The following DOCK1 variants were observed in gnomAD, a reference collection of about 807,000 sequenced individuals.
The protein encoded by DOCK1 is dedicator of cytokinesis protein 1.
A neutral mutation model predicts 262.7 loss-of-function variants in DOCK1; 138 were observed. The observed-to-expected ratio is 0.53, with a 90% CI of 0.46 to 0.61. The LOEUF (loss-of-function observed/expected upper bound fraction) is 0.61. DOCK1 is among the 20% of genes least tolerant of loss of function. The pLI is 0.00. For missense variants in DOCK1, 1,908 were observed against 2,370.7 expected, an observed-to-expected ratio of 0.80 and a Z score of 4.05; for synonymous variants, 866 against 867.4, an observed-to-expected ratio of 1.00 and a Z score of 0.03.
At chr10:127,174,966 T>C (rs2054942435) in intron 27 of DOCK1, among the ~76,000 whole-genome samples, 5 of 152,160 alleles carry the variant, frequency 3.3e-5, no homozygotes, top group African/African-American at 7.2e-5. Flanking sequence ...ATTCTAAGCA[T>C]AGGTATGGTT....
chr10:127,257,493 G>C lies in DOCK1; in HGVS notation c.3044+64G>C, dbSNP rs1416439809. 6 of 1,446,916 alleles carry C rather than the reference G, an allele frequency of 4.1e-6. No individual in the cohort carries two copies. In the Admixed American group the frequency reaches 1.2e-4, roughly 28 times the overall value. The allele number at this position is 1,446,916 out of a possible 1,614,324, so 89.6% of individuals were successfully genotyped here. A position where few individuals can be genotyped will look rare whatever the true frequency, so the allele number is the denominator to read the frequency against. On this transcript the variant is annotated intron_variant, in intron 29 of 51. Coordinates refer to ENST00000623213, the MANE Select transcript of DOCK1 (RefSeq NM_001290223.2). ...TCCCAATTCATGTCTGCTGGGAACA[G>C]TGGTGTTGCCTGGAGACCAAGCTGG...
rs529367686 is a variant in DOCK1, at chr10:127,209,815, G to A, written c.2848-38193G>A. ...TTTGGAGTGTCCCAGGGATTGCAAA[G>A]GTGGTTATAAATGCATGTGCTCACC... On this transcript the variant is annotated intron_variant, in intron 27 of 51. Transcript: ENST00000623213. 9.2e-5 allele frequency among the ~76,000 whole-genome samples: 14 copies of A among 152,302 alleles called. No homozygotes were observed. In the South Asian group the frequency reaches 2.9e-3, roughly 32 times the overall value.
intron 40 of DOCK1, among the ~76,000 whole-genome samples, chr10:127,408,204 G>A (rs890700136): frequency 1.1e-4 from 16 of 152,086 alleles, no homozygotes; most frequent in Admixed American, 8.5e-4. Flanking sequence ...TCCCCGCCCC[G>A]GACTGCCTAG....
At position 127,106,306 on chromosome 10, in the gene DOCK1, G is replaced by A. The variant is rs1370307459; in HGVS notation, c.2516+5G>A. ...GTTTGATCCCAAAGAGCTCAGGTAA[G>A]TATGCAGCCCAGGCGAATGCTTGTC... On this transcript the variant is annotated splice_donor_5th_base_variant and intron_variant, in intron 24 of 51. Transcript: ENST00000623213. 6.3e-7 allele frequency: 1 copy of A among 1,593,778 alleles called. No homozygotes were observed. The highest frequency in any genetic ancestry group is 8.6e-7 in the Non-Finnish European group (1 of 1,168,890).
At chr10:127,408,366 AC>A in intron 40 of DOCK1, among the ~76,000 whole-genome samples, 1 of 152,246 alleles carries the variant, frequency 6.6e-6, no homozygotes, top group East Asian at 1.9e-4. Flanking sequence ...ATGAATAATG[AC>A]CTGCACACAC....
chr10:127,452,501 A>G lies in DOCK1; in HGVS notation c.*1074A>G, dbSNP rs1302657646. 1 of 152,680 alleles carries G rather than the reference A, an allele frequency of 6.5e-6. No homozygotes were observed. Among genetic ancestry groups the G allele is most frequent in the African/African-American group, 2.4e-5 (1 of 41,474 alleles). 9.5% of individuals were successfully genotyped at this position (152,680 alleles called of 1,614,324 possible). ...TTAATCATTGACAACGAAAAATAAAATGTTATTTTAAAAGACTCACAGTGT... is the reference window on the plus strand; with the variant it reads ...TTAATCATTGACAACGAAAAATAAAGTGTTATTTTAAAAGACTCACAGTGT... On this transcript the variant is annotated 3_prime_UTR_variant, in exon 52 of 52. Coordinates refer to ENST00000623213, the MANE Select transcript of DOCK1 (RefSeq NM_001290223.2).
At chr10:127,066,577 C>T (rs984249572) in intron 23 of DOCK1, among the ~76,000 whole-genome samples, 7 of 152,132 alleles carry the variant, frequency 4.6e-5, no homozygotes, top group East Asian at 1.9e-4. Context: ...CTTTTTCCCT[C>T]GTGGAGACCC....
intron 1 of DOCK1, among the ~76,000 whole-genome samples, chr10:126,951,446 T>TTGGTAGTATTGGTAGTAG (rs1395038673): frequency 1.5e-4 from 22 of 151,564 alleles, no homozygotes; most frequent in Middle Eastern, 3.4e-3. Context: ...GTTGGTAGTG[T>TTGGTAGTATTGGTAGTAG]TGGTAGTATT....
At chr10:127,173,458 G>A (rs1034757570) in intron 27 of DOCK1, among the ~76,000 whole-genome samples, 1 of 152,260 alleles carries the variant, frequency 6.6e-6, no homozygotes, top group East Asian at 1.9e-4. Context: ...GTAAGAAGGC[G>A]CTCCCATATA....
At chr10:126,915,493 A>G (rs1455940916) in intron 1 of DOCK1, among the ~76,000 whole-genome samples, 1 of 151,986 alleles carries the variant, frequency 6.6e-6, no homozygotes, top group Admixed American at 6.6e-5. Context: ...ATCTTGGCCC[A>G]CTGCAACCTC....
At chr10:126,910,384 G>C (rs754207684) in intron 1 of DOCK1, among the ~76,000 whole-genome samples, 6 of 152,242 alleles carry the variant, frequency 3.9e-5, no homozygotes, top group African/African-American at 1.4e-4. Flanking sequence ...AATAGGCCAC[G>C]TGGTGTCCTT....
At chr10:127,380,156 T>G (rs2065746466) in intron 36 of DOCK1, 34 bp downstream of exon 36, 1 of 1,378,728 alleles carries the variant, frequency 7.3e-7, no homozygotes, top group East Asian at 2.6e-5. Context: ...GCATGTTAAT[T>G]ATAAATAATA....
chr10:126,972,001 C>G (rs2038148671), intron 2 of DOCK1, among the ~76,000 whole-genome samples: 1 of 152,076 alleles, frequency 6.6e-6, no homozygotes, highest in Non-Finnish European at 1.5e-5. Context: ...ACCACAGCCT[C>G]TGCCTCCCAG....
chr10:127,044,604 G>A (rs533670131), intron 21 of DOCK1, among the ~76,000 whole-genome samples: 1 of 152,240 alleles, frequency 6.6e-6, no homozygotes, highest in South Asian at 2.1e-4. Flanking sequence ...ACGTAGCACG[G>A]CCTCCACGTG....
intron 12 of DOCK1, among the ~76,000 whole-genome samples, chr10:127,018,009 G>A (rs375487887): frequency 1.3e-4 from 20 of 152,146 alleles, no homozygotes; most frequent in African/African-American, 4.3e-4. Context: ...AGACCCCACC[G>A]GGTTTACTGC....
chr10:127,403,001 C>T, intron 38 of DOCK1, 54 bp from the exon 39 acceptor site: 1 of 1,497,686 alleles, frequency 6.7e-7, no homozygotes, highest in Non-Finnish European at 9.1e-7. Context: ...CTGTTTGACT[C>T]TTTGCACAAT....
intron 16 of DOCK1, 179 bp downstream of exon 16, chr10:127,026,603 G>T: frequency 1.5e-6 from 1 of 646,236 alleles, no homozygotes; most frequent in Non-Finnish European, 2.7e-6. Context: ...ATCTCAGGAG[G>T]AGATCTTAAT....
chr10:127,231,167 G>A (rs1247189944), intron 27 of DOCK1, among the ~76,000 whole-genome samples: 1 of 151,422 alleles, frequency 6.6e-6, no homozygotes, highest in African/African-American at 2.4e-5. Context: ...ATCAGAGCAG[G>A]GTTAAAGTTT....
intron 13 of DOCK1, among the ~76,000 whole-genome samples, chr10:127,021,206 C>T (rs2053921080): frequency 6.6e-6 from 1 of 152,168 alleles, no homozygotes; most frequent in Non-Finnish European, 1.5e-5. Context: ...CGCCCTGTCA[C>T]CCGGGCTGGA....
Sources: gnomAD v4.1 joint callset for allele counts (sites outside exome capture counted in the v4.1 genomes callset) on GRCh38, gnomAD v4.1.1 for gene constraint, MANE v1.5 for transcripts, NCBI Gene and HGNC (gene_info 2026-07-23, HGNC 2026-07-21) for gene names.